Variants in FARS2 observed in about 807,000 individuals in gnomAD.
FARS2 encodes phenylalanyl-tRNA synthetase 2, mitochondrial, also known as phenylalanine--tRNA ligase, mitochondrial.
FARS2 carries 40 observed loss-of-function variants against 46.4 expected under a neutral mutation model. The ratio of observed to expected loss-of-function variants is 0.86; its 90% CI spans 0.67 to 1.12. The LOEUF is 1.12. FARS2 is among the 50% of genes most tolerant of loss of function. FARS2 has a pLI of 0.00. For missense variants in FARS2, 513 were observed against 567.9 expected (o/e 0.90, Z 0.98); for synonymous variants, 234 against 214.9 (o/e 1.09, Z -0.78).
At chr6:5,519,725 A>C (rs1234955343) in intron 4 of FARS2, among the ~76,000 whole-genome samples, 1 of 152,184 alleles carries the variant, frequency 6.6e-6, no homozygotes, top group African/African-American at 2.4e-5. Context: ...TTAAAATAAT[A>C]ATAATAAAAT....
chr6:5,678,613 A>G (rs936798565), intron 6 of FARS2, among the ~76,000 whole-genome samples: 3 of 152,258 alleles, frequency 2.0e-5, no homozygotes, highest in East Asian at 3.9e-4. Flanking sequence ...CATTTCACAC[A>G]TAGCCATCCT....
chr6:5,726,489 G>A (rs558825157), intron 6 of FARS2, among the ~76,000 whole-genome samples: 1 of 152,374 alleles, frequency 6.6e-6, no homozygotes, highest in South Asian at 2.1e-4. Context: ...TTGCACATGA[G>A]CCAGGGCCGT....
intron 6 of FARS2, among the ~76,000 whole-genome samples, chr6:5,684,309 G>A (rs1300441882): frequency 6.6e-6 from 1 of 152,106 alleles, no homozygotes; most frequent in Admixed American, 6.6e-5. Context: ...ACCTGGTTCT[G>A]CCGCACGCCC....
chr6:5,516,649 T>C, intron 4 of FARS2, among the ~76,000 whole-genome samples: 1 of 152,226 alleles, frequency 6.6e-6, no homozygotes, highest in Non-Finnish European at 1.5e-5. Flanking sequence ...TAAGATCCCT[T>C]ATAACTCCAA....
intron 4 of FARS2, among the ~76,000 whole-genome samples, chr6:5,446,190 G>A (rs189191863): frequency 8.0e-5 from 12 of 150,154 alleles, no homozygotes; most frequent in Admixed American, 7.9e-4. Flanking sequence ...GCGACAGAGT[G>A]AGACTCCATC....
chr6:5,334,133 G>T (rs1017104380), intron 1 of FARS2, among the ~76,000 whole-genome samples: 2 of 152,174 alleles, frequency 1.3e-5, no homozygotes, highest in Non-Finnish European at 2.9e-5. Context: ...TGGAAAGTAG[G>T]ACTTTTTTTA....
At chr6:5,571,259 A>G (rs1772629062) in intron 5 of FARS2, among the ~76,000 whole-genome samples, 1 of 152,348 alleles carries the variant, frequency 6.6e-6, no homozygotes, top group South Asian at 2.1e-4. Flanking sequence ...GGCCTACACG[A>G]ATATAAGCAG....
At chr6:5,278,232 T>G (rs1766474498) in intron 1 of FARS2, among the ~76,000 whole-genome samples, 1 of 152,208 alleles carries the variant, frequency 6.6e-6, no homozygotes, top group African/African-American at 2.4e-5. Context: ...AAAGCAGAAC[T>G]GAAATAACCT....
In FARS2 at chr6:5,701,199, G is replaced by A. The variant is rs532945134; in HGVS notation, c.1218-70092G>A. On this transcript the variant is annotated intron_variant, in intron 6 of 6. Coordinates refer to ENST00000274680, the MANE Select transcript of FARS2 (RefSeq NM_006567.5). Reference sequence around the variant, plus strand: ...TGGGAGGCACAGGATCCGCTAAGTCGTCGGGATTACCGGGCTCTGCCCCTA... The same window carrying A: ...TGGGAGGCACAGGATCCGCTAAGTCATCGGGATTACCGGGCTCTGCCCCTA... Among the ~76,000 whole-genome samples the A allele has an allele frequency of 6.6e-5, 10 of 152,358 alleles. No homozygotes were observed. The East Asian group carries it at 1.2e-3, about 18-fold the overall frequency.
intron 2 of FARS2, among the ~76,000 whole-genome samples, chr6:5,400,336 AG>A (rs1761180462): frequency 6.6e-6 from 1 of 151,510 alleles, no homozygotes; most frequent in African/African-American, 2.4e-5. Context: ...TCTTTACGTT[AG>A]TGGTATTACC....
chr6:5,528,357 A>G (rs537038762), intron 4 of FARS2, among the ~76,000 whole-genome samples: 4 of 152,204 alleles, frequency 2.6e-5, no homozygotes, highest in African/African-American at 4.8e-5. Context: ...CCTACATGTC[A>G]TTTAAGACCA....
upstream of FARS2, among the ~76,000 whole-genome samples, chr6:5,257,569 C>T (rs946687669): frequency 7.9e-5 from 12 of 152,140 alleles, no homozygotes; most frequent in South Asian, 2.1e-4. Context: ...TGTTAGGAAC[C>T]GGGCCACACA....
intron 6 of FARS2, among the ~76,000 whole-genome samples, chr6:5,659,751 A>T (rs1045339877): frequency 1.3e-5 from 2 of 152,230 alleles, no homozygotes; most frequent in Admixed American, 1.3e-4. Context: ...TAGTTGAAGG[A>T]TACAAGCATA....
At chr6:5,649,380 A>G (rs535660168) in intron 6 of FARS2, among the ~76,000 whole-genome samples, 65 of 152,230 alleles carry the variant, frequency 4.3e-4, no homozygotes, top group Admixed American at 7.2e-4. Flanking sequence ...TACATAACCA[A>G]AGTTTCTGTC....
intron 4 of FARS2, among the ~76,000 whole-genome samples, chr6:5,441,008 A>G (rs1044871622): frequency 6.6e-6 from 1 of 150,912 alleles, no homozygotes; most frequent in Non-Finnish European, 1.5e-5. Context: ...TGCAACCTGC[A>G]TCTCCCGGCT....
intron 6 of FARS2, among the ~76,000 whole-genome samples, chr6:5,709,825 C>T (rs1391890077): frequency 6.6e-6 from 1 of 152,044 alleles, no homozygotes; most frequent in African/African-American, 2.4e-5. Flanking sequence ...CGGGGGCATT[C>T]CCAGCCCTAT....
intron 6 of FARS2, among the ~76,000 whole-genome samples, chr6:5,643,833 C>G (rs1776943499): frequency 1.3e-5 from 2 of 152,120 alleles, no homozygotes. Flanking sequence ...TGGAATAATT[C>G]TACCTAGAAG....
At chr6:5,767,815 C>CTCTCT (rs1762831114) in intron 6 of FARS2, among the ~76,000 whole-genome samples, 1 of 152,172 alleles carries the variant, frequency 6.6e-6, no homozygotes, top group African/African-American at 2.4e-5. Context: ...CAGTGTAGGT[C>CTCTCT]ATGGCAGATG....
At chr6:5,655,147 A>T (rs1369660075) in intron 6 of FARS2, among the ~76,000 whole-genome samples, 1 of 151,850 alleles carries the variant, frequency 6.6e-6, no homozygotes, top group Non-Finnish European at 1.5e-5. Flanking sequence ...GGTGGCCCCA[A>T]CTCCCATCCT....
Sources: gnomAD v4.1 joint callset for allele counts (sites outside exome capture counted in the v4.1 genomes callset) on GRCh38, gnomAD v4.1.1 for gene constraint, MANE v1.5 for transcripts, NCBI Gene and HGNC (gene_info 2026-07-23, HGNC 2026-07-21) for gene names.